Variants in TRAF2 observed in about 807,000 individuals in gnomAD.
The protein encoded by TRAF2 is TNF receptor-associated factor 2.
A neutral mutation model predicts 55.6 loss-of-function variants in TRAF2; 6 were observed. The observed-to-expected ratio is 0.11, with a 90% CI of 0.06 to 0.21. The LOEUF (loss-of-function observed/expected upper bound fraction) is 0.21. Among genes scored for constraint, TRAF2 ranks in the 10% least tolerant of loss-of-function variants. The pLI is 1.00. For missense variants in TRAF2, 561 were observed against 684.5 expected, an observed-to-expected ratio of 0.82 and a Z score of 2.01; for synonymous variants, 329 against 276.3, an observed-to-expected ratio of 1.19 and a Z score of -1.89.
chr9:136,893,674 G>C (rs933125137), intron 1 of TRAF2, among the ~76,000 whole-genome samples: 2 of 152,220 alleles, frequency 1.3e-5, no homozygotes, highest in Non-Finnish European at 2.9e-5. Context: ...GCTGAGGATG[G>C]TTGTCTTGGG....
intron 1 of TRAF2, among the ~76,000 whole-genome samples, chr9:136,888,595 G>A (rs1000681032): frequency 2.0e-5 from 3 of 152,222 alleles, no homozygotes; most frequent in Non-Finnish European, 4.4e-5. Context: ...GAACCCAAGC[G>A]TTTGCGGCGA....
chr9:136,925,544 G>T (rs1850509283), intron 10 of TRAF2, 139 bp from the exon 11 acceptor site: 1 of 821,562 alleles, frequency 1.2e-6, no homozygotes. Flanking sequence ...CCCACCACGT[G>T]GTCTCGGCTG....
upstream of TRAF2, among the ~76,000 whole-genome samples, chr9:136,885,908 C>T (rs1332982461): frequency 6.6e-6 from 1 of 152,254 alleles, no homozygotes; most frequent in Non-Finnish European, 1.5e-5. Flanking sequence ...CTTAAGTGTG[C>T]AGTATTCTTT....
At chr9:136,885,878 C>G (rs1849434636), upstream of TRAF2, among the ~76,000 whole-genome samples, 2 of 152,254 alleles carry the variant, frequency 1.3e-5, no homozygotes, top group Non-Finnish European at 2.9e-5. Context: ...AAAAGGAGAC[C>G]CCATAGCCTT....
rs116544508 is a variant in TRAF2 at position 136,915,684 on chromosome 9, C to T, written c.604-857C>T. On this transcript the variant is annotated intron_variant, in intron 6 of 10. Coordinates refer to ENST00000247668, the MANE Select transcript of TRAF2 (RefSeq NM_021138.4). The stretch of plus-strand genomic sequence containing the variant: ...ACCTCCTATGGGTGGCAAGGGACAG[C>T]AGAGCCTCGAGGCGGTTCTGACGGG... Among the ~76,000 whole-genome samples the T allele has an allele frequency of 1.4e-3, 212 of 152,278 alleles. 1 individual carries two copies. Among genetic ancestry groups the T allele is most frequent in the African/African-American group, 4.8e-3 (200 of 41,544 alleles).
Position 136,921,230 on chromosome 9 carries a change from C to A in TRAF2, c.1138+15C>A, listed in dbSNP as rs777815726. On this transcript the variant is annotated intron_variant, in intron 9 of 10. Coordinates refer to ENST00000247668, the MANE Select transcript of TRAF2 (RefSeq NM_021138.4). Reference sequence around the variant, plus strand: ...CTTCTCCCCAGGTGTGGTTCTAGGACCCCCACCTCACTGCAGCTGCTGTTT... The same window carrying A: ...CTTCTCCCCAGGTGTGGTTCTAGGAACCCCACCTCACTGCAGCTGCTGTTT... 1 of 1,612,858 alleles carries A rather than the reference C, an allele frequency of 6.2e-7. No homozygotes were observed. Among genetic ancestry groups the A allele is most frequent in the Non-Finnish European group, 8.5e-7 (1 of 1,179,536 alleles).
Position 136,923,957 on chromosome 9 carries a change from A to G in TRAF2, c.1244A>G (p.Lys415Arg), listed in dbSNP as rs1850460521. 1.9e-6 allele frequency: 3 copies of G among 1,613,822 alleles called. No individual in the cohort carries two copies. The highest frequency in any genetic ancestry group is 2.5e-6 in the Non-Finnish European group (3 of 1,179,980). ...THLSLFFVVM[K>R]GPNDALLRWP... The stretch of plus-strand genomic sequence containing the variant: ...CTGTCCCTCTTCTTTGTGGTGATGA[A>G]GGGCCCGAATGACGCCCTGCTGCGG... Residue 415 changes from lysine to arginine, a missense_variant, in exon 10 of 11, where the codon AAG becomes AGG. This residue lies in a region of TRAF2 where 135 missense variants were observed against 207.7 expected (regional missense o/e 0.65). Transcript: ENST00000247668.
chr9:136,926,259 A>G lies in TRAF2; in HGVS notation c.*358A>G, dbSNP rs1047906095. 1 of 399,018 alleles carries G rather than the reference A, an allele frequency of 2.5e-6. No homozygotes were observed. The highest frequency in any genetic ancestry group is 4.8e-6 in the Non-Finnish European group (1 of 206,278). 24.7% of individuals were successfully genotyped at this position (399,018 alleles called of 1,614,324 possible). On this transcript the variant is annotated 3_prime_UTR_variant, in exon 11 of 11. Coordinates refer to ENST00000247668, the MANE Select transcript of TRAF2 (RefSeq NM_021138.4). ...GTGGGAGCACATCCCAGCAGTGCCC[A>G]TGTAGCAGGAGCACAGTGGATGGCC...
chr9:136,884,922 CAGG>C (rs1004120280), upstream of TRAF2, among the ~76,000 whole-genome samples: 2 of 152,220 alleles, frequency 1.3e-5, no homozygotes, highest in African/African-American at 2.4e-5. Context: ...CAGGTGCAGC[CAGG>C]AGGAGACGCC....
chr9:136,919,137 T>C (rs1372616032), intron 7 of TRAF2, among the ~76,000 whole-genome samples: 1 of 151,530 alleles, frequency 6.6e-6, no homozygotes, highest in Non-Finnish European at 1.5e-5. Flanking sequence ...CTCAGCTCAC[T>C]ACAGCCTCCC....
chr9:136,920,978 G>A, intron 8 of TRAF2, 60 bp from the exon 9 acceptor site: 2 of 1,590,752 alleles, frequency 1.3e-6, no homozygotes, highest in South Asian at 2.2e-5. Context: ...GGGTGTGGGA[G>A]GCAGGGGCTC....
At chr9:136,910,867 C>T (rs1348321587) in intron 6 of TRAF2, among the ~76,000 whole-genome samples, 2 of 152,208 alleles carry the variant, frequency 1.3e-5, no homozygotes, top group African/African-American at 2.4e-5. Context: ...TTAAATGTCC[C>T]GCACTGTGAG....
Position 136,899,602 on chromosome 9 carries a change from C to T in TRAF2, c.197C>T (p.Pro66Leu). The T allele has an allele frequency of 6.2e-7, 1 of 1,611,878 alleles. No homozygotes were observed. Among genetic ancestry groups the T allele is most frequent in the Non-Finnish European group, 8.5e-7 (1 of 1,178,418 alleles). ...FCLASILSSG[P>L]QNCAACVHEG... The stretch of plus-strand genomic sequence containing the variant: ...CCTTTTTTCCCCACTAGCTCTGGGC[C>T]TCAGAACTGTGCTGCCTGTGTTCAC... The change falls in exon 3 of 11, where the codon CCT (proline) becomes CTT (leucine). Residue 66 changes from proline (P) to leucine (L), a missense_variant. Pro to Leu is a moderately conservative substitution (Grantham distance 98). Coordinates refer to ENST00000247668, the MANE Select transcript of TRAF2 (RefSeq NM_021138.4).
intron 4 of TRAF2, among the ~76,000 whole-genome samples, chr9:136,903,480 A>G (rs1849869107): frequency 6.6e-6 from 1 of 152,066 alleles, no homozygotes; most frequent in Non-Finnish European, 1.5e-5. Context: ...ATTCAGAGGG[A>G]TGACGACTGT....
intron 1 of TRAF2, among the ~76,000 whole-genome samples, chr9:136,894,632 C>G (rs1564405468): frequency 6.6e-6 from 1 of 152,092 alleles, no homozygotes; most frequent in Non-Finnish European, 1.5e-5. Flanking sequence ...TGGGGCTAAA[C>G]CCAGTGGCCG....
intron 6 of TRAF2, 140 bp downstream of exon 6, chr9:136,910,134 C>A: frequency 1.1e-6 from 1 of 933,262 alleles, no homozygotes; most frequent in Non-Finnish European, 1.7e-6. Context: ...AACGTTGGGT[C>A]ATGGATGCGT....
At chr9:136,899,006 C>T in intron 2 of TRAF2, 78 bp downstream of exon 2, 6 of 1,444,264 alleles carry the variant, frequency 4.2e-6, no homozygotes, top group South Asian at 1.3e-5. Context: ...AGCCTGGTAG[C>T]TCCCAGCAGA....
intron 5 of TRAF2, 144 bp downstream of exon 5, chr9:136,908,375 T>A: frequency 2.1e-6 from 2 of 961,690 alleles, no homozygotes; most frequent in Non-Finnish European, 1.5e-6. Flanking sequence ...CGCGGGCGGA[T>A]GTTTCTTGGC....
intron 9 of TRAF2, among the ~76,000 whole-genome samples, chr9:136,923,545 AG>A (rs1850446903): frequency 8.2e-6 from 1 of 121,268 alleles, no homozygotes; most frequent in Non-Finnish European, 1.6e-5. Flanking sequence ...CAGGAGGTGG[AG>A]GTTGCAGTGA....
Sources: gnomAD v4.1 joint callset for allele counts (sites outside exome capture counted in the v4.1 genomes callset) on GRCh38, gnomAD v4.1.1 for gene constraint, gnomAD v4.1.1 regional missense constraint, MANE v1.5 for transcripts, NCBI Gene and HGNC (gene_info 2026-07-23, HGNC 2026-07-21) for gene names.